Variants in NFIB observed in about 807,000 individuals in gnomAD.
The protein encoded by NFIB is nuclear factor I B.
Under a neutral mutation model 61.5 loss-of-function variants are expected in NFIB, and 11 were observed. The observed-to-expected ratio is 0.18, with a 90% CI of 0.11 to 0.30. The LOEUF (loss-of-function observed/expected upper bound fraction) is 0.30. NFIB is among the 10% of genes least tolerant of loss of function. NFIB has a pLI of 1.00. For synonymous variants in NFIB, 260 were observed against 216.5 expected, an observed-to-expected ratio of 1.20 and a Z score of -1.76; for missense variants, 471 against 608.9, an observed-to-expected ratio of 0.77 and a Z score of 2.38.
chr9:14,157,039 G>T (rs2043504114), intron 3 of NFIB, among the ~76,000 whole-genome samples: 2 of 152,088 alleles, frequency 1.3e-5, no homozygotes, highest in African/African-American at 4.8e-5. Flanking sequence ...TGAAATCTTG[G>T]CTAGGTTATT....
intron 3 of NFIB, among the ~76,000 whole-genome samples, chr9:14,161,532 A>G (rs1261414028): frequency 1.3e-5 from 2 of 151,606 alleles, no homozygotes; most frequent in African/African-American, 4.8e-5. Flanking sequence ...TATAAAATCA[A>G]TATCAAATTT....
chr9:14,436,888 A>G, the NFIB span, among the ~76,000 whole-genome samples: 3 of 152,322 alleles, frequency 2.0e-5, no homozygotes, highest in South Asian at 6.2e-4. Context: ...AGTGACTGAG[A>G]CACAGATGAA....
chr9:14,469,215 C>T, the NFIB span, among the ~76,000 whole-genome samples: 1 of 152,006 alleles, frequency 6.6e-6, no homozygotes, highest in Non-Finnish European at 1.5e-5. Flanking sequence ...AGTAGGGCCC[C>T]AAAACCCTGT....
the NFIB span, among the ~76,000 whole-genome samples, chr9:14,408,547 G>T: frequency 6.6e-6 from 1 of 152,218 alleles, no homozygotes; most frequent in Non-Finnish European, 1.5e-5. Flanking sequence ...GTCACTTGAA[G>T]ATTAATTTCT....
chr9:14,454,139 T>A, the NFIB span, among the ~76,000 whole-genome samples: 1 of 152,234 alleles, frequency 6.6e-6, no homozygotes, highest in Non-Finnish European at 1.5e-5. Context: ...AAGACTCACA[T>A]GTTGCCATTT....
chr9:14,435,595 T>C, the NFIB span, among the ~76,000 whole-genome samples: 2 of 152,250 alleles, frequency 1.3e-5, no homozygotes, highest in African/African-American at 4.8e-5. Flanking sequence ...ACAGTGGAAA[T>C]GTTAGTTACA....
intron 10 of NFIB, among the ~76,000 whole-genome samples, chr9:14,109,162 T>C (rs1461934830): frequency 6.6e-6 from 1 of 152,038 alleles, no homozygotes; most frequent in Non-Finnish European, 1.5e-5. Flanking sequence ...TTCAAGTAAG[T>C]TGTCTCTTAT....
intron 1 of NFIB, among the ~76,000 whole-genome samples, chr9:14,319,655 G>T (rs906541063): frequency 8.5e-5 from 13 of 152,208 alleles, no homozygotes; most frequent in Non-Finnish European, 2.9e-5. Flanking sequence ...TAGGAAAACA[G>T]ATGGGTTTTT....
chr9:14,191,374 G>A (rs927588968), intron 2 of NFIB, among the ~76,000 whole-genome samples: 1 of 151,842 alleles, frequency 6.6e-6, no homozygotes, highest in Non-Finnish European at 1.5e-5. Context: ...TTCTAACCAA[G>A]AATAATAAAG....
chr9:14,527,450 A>G, the NFIB span, among the ~76,000 whole-genome samples: 1 of 152,358 alleles, frequency 6.6e-6, no homozygotes, highest in South Asian at 2.1e-4. Context: ...ACTAATTACC[A>G]TGACACTGAG....
chr9:14,353,654 C>A (rs1340566762), intron 1 of NFIB, among the ~76,000 whole-genome samples: 1 of 152,174 alleles, frequency 6.6e-6, no homozygotes, highest in African/African-American at 2.4e-5. Flanking sequence ...GCTGCGCCCC[C>A]TGGTGTCCGA....
rs1179195280 is a variant in NFIB at position 14,120,427 on chromosome 9, C to G, written c.1245+13G>C. On this transcript the variant is annotated intron_variant, in intron 8 of 10. Transcript: ENST00000380953. The surrounding 1 kb of genome is among the most constrained non-coding windows in gnomAD (Gnocchi z 4.4). ...CCCTTAGGTGCTAATCTTATTTTCT[C>G]TCTTATTTTTACCTGGCTGGTTTGT... 1 of 1,613,518 alleles carries G rather than the reference C, an allele frequency of 6.2e-7. No individual in the cohort carries two copies. The highest frequency in any genetic ancestry group is 1.7e-5 in the Admixed American group (1 of 60,008).
At chr9:14,269,797 A>G (rs1290065373) in intron 2 of NFIB, among the ~76,000 whole-genome samples, 3 of 152,162 alleles carry the variant, frequency 2.0e-5, no homozygotes, top group East Asian at 1.9e-4. Context: ...ATTAGCTTCA[A>G]TCTTATGCTA....
intron 1 of NFIB, among the ~76,000 whole-genome samples, chr9:14,385,577 T>C (rs140518854): frequency 6.6e-6 from 1 of 152,166 alleles, no homozygotes; most frequent in African/African-American, 2.4e-5. Context: ...CAATTCTTAC[T>C]TAGAAGGAAG....
intron 2 of NFIB, among the ~76,000 whole-genome samples, chr9:14,204,069 C>T (rs62532547): frequency 0.076 from 11,615 of 152,234 alleles, 592 homozygotes; most frequent in Non-Finnish European, 0.11. Context: ...TCAAAGCATA[C>T]GTGTATGAAA....
At chr9:14,501,074 G>A in the NFIB span, among the ~76,000 whole-genome samples, 2 of 152,170 alleles carry the variant, frequency 1.3e-5, no homozygotes, top group African/African-American at 4.8e-5. Context: ...CATCGCAGTG[G>A]ATCTCAAACC....
chr9:14,402,001 T>A (rs10961503), upstream of NFIB, among the ~76,000 whole-genome samples: 9 of 152,318 alleles, frequency 5.9e-5, no homozygotes, highest in Non-Finnish European at 1.3e-4. Flanking sequence ...CGTGTGCATG[T>A]ACCCCTGGAC....
intron 10 of NFIB, among the ~76,000 whole-genome samples, chr9:14,099,702 T>C (rs2035422735): frequency 6.6e-6 from 1 of 152,200 alleles, no homozygotes; most frequent in Non-Finnish European, 1.5e-5. Flanking sequence ...TTCAATAATA[T>C]CTGTTCAATG....
At chr9:14,118,865 T>C (rs1243486222) in intron 8 of NFIB, among the ~76,000 whole-genome samples, 1 of 151,342 alleles carries the variant, frequency 6.6e-6, no homozygotes, top group Non-Finnish European at 1.5e-5. Flanking sequence ...TATAGGCAGA[T>C]TATCACCTAA....
Sources: allele counts gnomAD v4.1 joint callset (sites outside exome capture counted in the v4.1 genomes callset), GRCh38; gene constraint gnomAD v4.1.1; non-coding constraint Gnocchi (gnomAD v3.1); transcripts MANE v1.5; gene names NCBI Gene and HGNC (gene_info 2026-07-23, HGNC 2026-07-21).